The following BRCC3 variants were observed in gnomAD, a reference collection of about 807,000 sequenced individuals.
BRCC3 encodes BRCA1/BRCA2-containing complex subunit 3.
A neutral mutation model predicts 28.0 loss-of-function variants in BRCC3; 15 were observed. That is an observed-to-expected ratio of 0.54 (90% confidence interval 0.36 to 0.82). BRCC3 has a LOEUF of 0.82. Among genes scored for constraint, BRCC3 ranks in the 40% least tolerant of loss-of-function variants. The pLI, the probability that BRCC3 is intolerant of heterozygous loss-of-function variation, is 0.01. For synonymous variants in BRCC3, 66 were observed against 80.3 expected (o/e 0.82, Z 0.95); for missense variants, 109 against 225.9 (o/e 0.48, Z 3.32).
At chrX:155,107,834 C>T (rs1032377674) in intron 7 of BRCC3, among the ~76,000 whole-genome samples, 8 of 111,574 alleles carry the variant, frequency 7.2e-5, no homozygotes, top group African/African-American at 2.6e-4. Context: ...TTAATGCATA[C>T]ATTCTGACCT....
intron 7 of BRCC3, among the ~76,000 whole-genome samples, chrX:155,103,855 C>G (rs1354758616): frequency 9.2e-6 from 1 of 108,615 alleles, no homozygotes; most frequent in Admixed American, 9.8e-5. Flanking sequence ...TTTTTTCTAT[C>G]TGTGATTTGT....
chrX:155,081,726 A>G (rs950800655), intron 5 of BRCC3, among the ~76,000 whole-genome samples: 1 of 111,960 alleles, frequency 8.9e-6, no homozygotes, highest in Non-Finnish European at 1.9e-5. Flanking sequence ...AGTGCTTTTT[A>G]TGATAAGGTA....
At chrX:155,081,896 T>C (rs192787332) in intron 5 of BRCC3, among the ~76,000 whole-genome samples, 2 of 111,545 alleles carry the variant, frequency 1.8e-5, no homozygotes, top group Non-Finnish European at 3.8e-5. Context: ...AATGATTTTG[T>C]TGGGGGGAAA....
chrX:155,101,333 C>T (rs1557296878), intron 7 of BRCC3, among the ~76,000 whole-genome samples: 1 of 111,786 alleles, frequency 8.9e-6, no homozygotes, highest in Non-Finnish European at 1.9e-5. Context: ...ATTTCAGTGT[C>T]TGTGGGAGGT....
In BRCC3 at chrX:155,075,362, CCCT is replaced by C. The variant is rs2074030494; in HGVS notation, c.196-1807_196-1805del. Reference sequence around the variant, plus strand: ...CTTGATTCAGGCCAAGACCTCTGCTCCCTTTCTCCACACCTTTTTTGTCCACTC... The same window carrying C: ...CTTGATTCAGGCCAAGACCTCTGCTCTTCTCCACACCTTTTTTGTCCACTC... On this transcript the variant is annotated intron_variant, in intron 3 of 10. Coordinates refer to ENST00000330045, the MANE Select transcript of BRCC3 (RefSeq NM_001018055.3). 4.4e-4 allele frequency among the ~76,000 whole-genome samples: 25 copies of C among 57,269 alleles called. 1 individual carries two copies. Among genetic ancestry groups the C allele is most frequent in the Admixed American group, 3.6e-3 (20 of 5,590 alleles). The allele number at this position is 57,269 out of a possible 115,157, so 49.7% of individuals were successfully genotyped here. A position where few individuals can be genotyped will look rare whatever the true frequency, so the allele number is the denominator to read the frequency against.
rs181505973 is a variant in BRCC3 at position 155,091,719 on chromosome X, A to G, written c.548+880A>G. 3.6e-5 allele frequency among the ~76,000 whole-genome samples: 4 copies of G among 111,145 alleles called. No homozygotes were observed. In the East Asian group the frequency reaches 1.1e-3, roughly 31 times the overall value. ...TTGTTTGAAATGTCAAAGAATTGGG[A>G]AACAGATGCTCATCAGTACAGAACT... On this transcript the variant is annotated intron_variant, in intron 7 of 10. Transcript: ENST00000330045.
intron 3 of BRCC3, among the ~76,000 whole-genome samples, chrX:155,074,531 C>T (rs990007380): frequency 1.8e-5 from 2 of 111,723 alleles, no homozygotes; most frequent in African/African-American, 6.5e-5. Flanking sequence ...TTGTGGACTC[C>T]TCTTCCTCCT....
intron 1 of BRCC3, 30 bp downstream of exon 1, chrX:155,071,680 C>T (rs782029226): frequency 1.7e-6 from 2 of 1,192,979 alleles, no homozygotes; most frequent in Non-Finnish European, 2.3e-6. Context: ...TGGATGGAAC[C>T]CTGCTGAGCA....
intron 6 of BRCC3, among the ~76,000 whole-genome samples, chrX:155,089,653 A>G (rs1335035394): frequency 8.9e-6 from 1 of 111,754 alleles, no homozygotes; most frequent in Non-Finnish European, 1.9e-5. Flanking sequence ...GACCATGACC[A>G]TACATGCCAG....
At chrX:155,099,210 A>G in intron 7 of BRCC3, 1 of 809,558 alleles carries the variant, frequency 1.2e-6, no homozygotes, top group Non-Finnish European at 1.6e-6. Flanking sequence ...TTGTGGTAAA[A>G]GAAGTCTGGA....
chrX:155,116,659 G>T (rs371254454), intron 8 of BRCC3, 52 bp from the exon 9 acceptor site: 4 of 925,157 alleles, frequency 4.3e-6, no homozygotes, highest in African/African-American at 3.9e-5. Flanking sequence ...TGACCATTTT[G>T]CTTTCCCTTC....
intron 7 of BRCC3, among the ~76,000 whole-genome samples, chrX:155,111,941 C>T (rs1317380553): frequency 9.0e-6 from 1 of 111,441 alleles, no homozygotes; most frequent in Non-Finnish European, 1.9e-5. Flanking sequence ...CCCTATTACA[C>T]CATGTTTTCT....
chrX:155,121,086 T>C (rs2074385991), intron 10 of BRCC3, 137 bp from the exon 11 acceptor site: 2 of 111,842 alleles, frequency 1.8e-5, no homozygotes, highest in Admixed American at 1.9e-4. Flanking sequence ...TCATACTCTA[T>C]CTCTGGGGAT....
intron 3 of BRCC3, among the ~76,000 whole-genome samples, chrX:155,076,450 G>A (rs782331982): frequency 4.6e-4 from 51 of 111,101 alleles, no homozygotes; most frequent in Non-Finnish European, 7.9e-4. Flanking sequence ...ATAAAGAAAA[G>A]AAGTTTAATT....
At chrX:155,095,058 A>T (rs1487984059) in intron 7 of BRCC3, among the ~76,000 whole-genome samples, 1 of 112,013 alleles carries the variant, frequency 8.9e-6, no homozygotes, top group Admixed American at 9.4e-5. Context: ...GAATATTTGC[A>T]TTATACTTAC....
chrX:155,090,860 T>G, intron 7 of BRCC3, 21 bp downstream of exon 7: 4 of 1,097,325 alleles, frequency 3.6e-6, no homozygotes, highest in Non-Finnish European at 5.0e-6. Flanking sequence ...GAGAGACTTA[T>G]GTGTGTATTG....
chrX:155,083,932 A>C (rs781913284), intron 5 of BRCC3, among the ~76,000 whole-genome samples: 10 of 112,374 alleles, frequency 8.9e-5, no homozygotes, highest in Non-Finnish European at 1.7e-4. Flanking sequence ...CCAAAACCAG[A>C]TGGCTAGTAA....
chrX:155,084,804 C>G (rs1557294579), intron 5 of BRCC3, among the ~76,000 whole-genome samples: 1 of 110,351 alleles, frequency 9.1e-6, no homozygotes, highest in Admixed American at 9.6e-5. Flanking sequence ...GCCTCTGTCT[C>G]TTAATTTTTT....
intron 7 of BRCC3, among the ~76,000 whole-genome samples, chrX:155,093,130 A>G (rs1208595578): frequency 1.8e-5 from 2 of 110,756 alleles, no homozygotes; most frequent in Non-Finnish European, 3.8e-5. Context: ...TAACTATGAT[A>G]TAGTTAGAAT....
Sources: gnomAD v4.1 joint callset for allele counts (sites outside exome capture counted in the v4.1 genomes callset) on GRCh38, gnomAD v4.1.1 for gene constraint, MANE v1.5 for transcripts, NCBI Gene and HGNC (gene_info 2026-07-23, HGNC 2026-07-21) for gene names.